Variants in CCDC13 observed in about 807,000 individuals in gnomAD.
The protein encoded by CCDC13 is coiled-coil domain containing 13, also known as coiled-coil domain-containing protein 13.
CCDC13 carries 70 observed loss-of-function variants against 87.3 expected under a neutral mutation model. The ratio of observed to expected loss-of-function variants is 0.80; its 90% CI spans 0.66 to 0.98. The LOEUF is 0.98. CCDC13 is among the 50% of genes least tolerant of loss of function. The pLI is 0.00. For missense variants in CCDC13, 842 were observed against 892.0 expected (o/e 0.94, Z 0.71); for synonymous variants, 317 against 360.3 (o/e 0.88, Z 1.36).
At chr3:42,718,092 A>T (rs1046997155) in intron 13 of CCDC13, 2 of 152,242 alleles carry the variant, frequency 1.3e-5, no homozygotes, top group Non-Finnish European at 2.9e-5. Context: ...AGCTGGGTGA[A>T]ATAAGGCTGA....
At chr3:42,756,738 C>T (rs1474347867) in intron 3 of CCDC13, among the ~76,000 whole-genome samples, 1 of 152,132 alleles carries the variant, frequency 6.6e-6, no homozygotes, top group Non-Finnish European at 1.5e-5. Flanking sequence ...CTGCCAGCCC[C>T]TTTACATGCT....
chr3:42,742,819 T>C (rs1699261622), intron 8 of CCDC13, 77 bp downstream of exon 8: 1 of 1,557,200 alleles, frequency 6.4e-7, no homozygotes, highest in African/African-American at 1.4e-5. Context: ...TGACCACATG[T>C]GCCTCAGAGC....
In CCDC13 at chr3:42,708,823, T is replaced by C. The variant is rs1698234058; in HGVS notation, c.*157A>G. Reference sequence around the variant, plus strand: ...TCTTCTGCCTTCCTGGCCTGAGACATTGGTTTTGGTCATCCTTAAGGAGCC... The same window carrying C: ...TCTTCTGCCTTCCTGGCCTGAGACACTGGTTTTGGTCATCCTTAAGGAGCC... On this transcript the variant is annotated 3_prime_UTR_variant, in exon 16 of 16. Coordinates refer to ENST00000310232, the MANE Select transcript of CCDC13 (RefSeq NM_144719.4). 4 of 678,870 alleles carry C rather than the reference T, an allele frequency of 5.9e-6. 1 individual carries two copies. The East Asian group carries it at 1.2e-4, about 21-fold the overall frequency. 42.1% of individuals were successfully genotyped at this position (678,870 alleles called of 1,614,324 possible). A position where few individuals can be genotyped will look rare whatever the true frequency, so the allele number is the denominator to read the frequency against.
Position 42,737,889 on chromosome 3 carries a change from T to C in CCDC13, c.1164+1745A>G, listed in dbSNP as rs1290312392. 2.0e-5 allele frequency among the ~76,000 whole-genome samples: 3 copies of C among 152,252 alleles called. No individual in the cohort carries two copies. The East Asian group carries it at 5.8e-4, about 29-fold the overall frequency. On this transcript the variant is annotated intron_variant, in intron 9 of 15. Transcript: ENST00000310232. ...TGTTCACTCTGATGGTAGTTTCTTT[T>C]GCCATGCAGAAGCTCTTTAGTTTAA... is the stretch of plus-strand genomic sequence containing the variant.
chr3:42,746,827 T>G (rs1372165987), intron 6 of CCDC13: 1 of 271,854 alleles, frequency 3.7e-6, no homozygotes, highest in South Asian at 4.2e-5. Context: ...ACAAGTAACC[T>G]ATTCATTTTC....
chr3:42,735,397 A>G (rs1698973838), intron 10 of CCDC13, among the ~76,000 whole-genome samples: 2 of 152,194 alleles, frequency 1.3e-5, no homozygotes, highest in Admixed American at 1.3e-4. Flanking sequence ...AGCTACTGCC[A>G]CCATCTTGAA....
At chr3:42,717,847 G>C (rs1698468294) in intron 13 of CCDC13, 1 of 152,200 alleles carries the variant, frequency 6.6e-6, no homozygotes, top group Admixed American at 6.5e-5. Context: ...TGTAGTTCTA[G>C]GACTGTGGTC....
intron 8 of CCDC13, among the ~76,000 whole-genome samples, chr3:42,742,583 T>G (rs1699254419): frequency 6.6e-6 from 1 of 152,138 alleles, no homozygotes; most frequent in African/African-American, 2.4e-5. Flanking sequence ...CATCTAACCC[T>G]ATCATACTTC....
At chr3:42,705,193 G>A (rs1173632769), downstream of CCDC13, among the ~76,000 whole-genome samples, 2 of 152,170 alleles carry the variant, frequency 1.3e-5, no homozygotes, top group East Asian at 3.9e-4. Flanking sequence ...GGAGAAGGTG[G>A]GCAGGCCGAC....
intron 1 of CCDC13, among the ~76,000 whole-genome samples, 160 bp downstream of exon 1, chr3:42,773,016 G>T (rs1193303988): frequency 6.6e-6 from 1 of 152,222 alleles, no homozygotes; most frequent in African/African-American, 2.4e-5. Flanking sequence ...TTCAAAGGAC[G>T]AAGGGGAAGA....
At chr3:42,771,122 G>C (rs889785456) in intron 1 of CCDC13, 1 of 152,176 alleles carries the variant, frequency 6.6e-6, no homozygotes, top group Non-Finnish European at 1.5e-5. Flanking sequence ...ATATTATTCA[G>C]TGATGAAAAG....
intron 1 of CCDC13, among the ~76,000 whole-genome samples, chr3:42,763,691 A>G (rs1699879402): frequency 6.6e-6 from 1 of 152,042 alleles, no homozygotes; most frequent in Non-Finnish European, 1.5e-5. Context: ...GTTTTTGTAG[A>G]GACATGGTTT....
At chr3:42,709,826 T>G in intron 14 of CCDC13, 28 bp from the exon 15 acceptor site, 1 of 1,550,788 alleles carries the variant, frequency 6.4e-7, no homozygotes, top group Non-Finnish European at 8.9e-7. Flanking sequence ...CCACTTTCTG[T>G]GAGGAGGCCA....
intron 6 of CCDC13, chr3:42,746,720 T>C (rs1699404859): frequency 1.6e-5 from 3 of 181,846 alleles, no homozygotes; most frequent in Admixed American, 1.6e-4. Flanking sequence ...GGAAGACAAA[T>C]GCCAGAGAAT....
rs1267422306 is a variant in CCDC13 at position 42,718,701 on chromosome 3, A to G, written c.1719-5385T>C. 2.0e-5 allele frequency among the ~76,000 whole-genome samples: 3 copies of G among 152,054 alleles called. No individual in the cohort carries two copies. In the East Asian group the frequency reaches 5.8e-4, roughly 29 times the overall value. ...CATCTTTCTGGTGACCACGGAAGCGACTATAGTGAGGAAACCCCTGACCCA... is the reference window on the plus strand; with the variant it reads ...CATCTTTCTGGTGACCACGGAAGCGGCTATAGTGAGGAAACCCCTGACCCA... On this transcript the variant is annotated intron_variant, in intron 13 of 15. Transcript: ENST00000310232.
rs1482833971 is a variant in CCDC13, at chr3:42,733,039, C to A, written c.1512-69G>T. 4.6e-6 allele frequency: 6 copies of A among 1,310,064 alleles called. No individual in the cohort carries two copies. The African/African-American group carries it at 8.9e-5, about 19-fold the overall frequency. The allele number at this position is 1,310,064 out of a possible 1,614,324, so 81.2% of individuals were successfully genotyped here. ...CAGGCCCTACTGGGCCTCACCTCTG[C>A]ATGTGAGGTGGAGCAGTGGCCAGCA... On this transcript the variant is annotated intron_variant, in intron 11 of 15. Transcript: ENST00000310232.
At chr3:42,713,698 T>C (rs759285116) in intron 13 of CCDC13, among the ~76,000 whole-genome samples, 2 of 152,210 alleles carry the variant, frequency 1.3e-5, no homozygotes, top group Non-Finnish European at 2.9e-5. Context: ...AAGAATTTAG[T>C]TTTATTTTAG....
At chr3:42,725,953 G>A (rs1419888266) in intron 13 of CCDC13, among the ~76,000 whole-genome samples, 1 of 152,050 alleles carries the variant, frequency 6.6e-6, no homozygotes, top group Non-Finnish European at 1.5e-5. Context: ...AACTCTAAAG[G>A]GAATAAGTTC....
chr3:42,756,693 A>T (rs1300191955), intron 3 of CCDC13, among the ~76,000 whole-genome samples: 1 of 151,966 alleles, frequency 6.6e-6, no homozygotes, highest in African/African-American at 2.4e-5. Context: ...TTCACAACAT[A>T]ACATGTGAGC....
Sources: gnomAD v4.1 joint callset for allele counts (sites outside exome capture counted in the v4.1 genomes callset) on GRCh38, gnomAD v4.1.1 for gene constraint, MANE v1.5 for transcripts, NCBI Gene and HGNC (gene_info 2026-07-23, HGNC 2026-07-21) for gene names.